The following HHAT variants were observed in gnomAD, a reference collection of about 807,000 sequenced individuals.
HHAT encodes the protein protein-cysteine N-palmitoyltransferase HHAT.
Under a neutral mutation model 70.8 loss-of-function variants are expected in HHAT, and 47 were observed. That is an observed-to-expected ratio of 0.66 (90% CI 0.53 to 0.85). The LOEUF (loss-of-function observed/expected upper bound fraction) is 0.85, where lower values mean the gene tolerates loss of function less well. Among genes scored for constraint, HHAT ranks in the 40% least tolerant of loss-of-function variants. HHAT has a pLI of 0.00. For missense variants in HHAT, 609 were observed against 604.8 expected (o/e 1.01, Z -0.07); for synonymous variants, 228 against 247.6 (o/e 0.92, Z 0.74).
At chr1:210,640,162 G>A (rs763828210) in intron 11 of HHAT, among the ~76,000 whole-genome samples, 11 of 152,298 alleles carry the variant, frequency 7.2e-5, no homozygotes, top group Non-Finnish European at 1.2e-4. Flanking sequence ...CTGAGTTAGT[G>A]GGTAGATTAT....
Position 210,675,929 on chromosome 1 carries a change from CAG to C in HHAT, c.*1551_*1552del, listed in dbSNP as rs1207961469. 2 of 152,116 alleles carry C rather than the reference CAG, an allele frequency of 1.3e-5. No individual in the cohort carries two copies. Among genetic ancestry groups the C allele is most frequent in the Non-Finnish European group, 2.9e-5 (2 of 68,042 alleles). The allele number at this position is 152,116 out of a possible 1,614,324, so 9.4% of individuals were successfully genotyped here. A position where few individuals can be genotyped will look rare whatever the true frequency, so the allele number is the denominator to read the frequency against. On this transcript the variant is annotated 3_prime_UTR_variant, in exon 12 of 12. Transcript: ENST00000261458. ...AGAAGTTTTAGGAGGGGATGAGCCTCAGGGAGGAGTGAGCACCTAAATGAACG... is the reference window on the plus strand; with the variant it reads ...AGAAGTTTTAGGAGGGGATGAGCCTCGGAGGAGTGAGCACCTAAATGAACG...
intron 11 of HHAT, among the ~76,000 whole-genome samples, chr1:210,628,193 G>A (rs960813423): frequency 4.1e-4 from 62 of 152,094 alleles, no homozygotes; most frequent in African/African-American, 1.5e-3. Context: ...TCAAGGGGGG[G>A]TGTTTATACA....
At position 210,361,314 on chromosome 1, in the gene HHAT, A is replaced by G. The variant is rs567215804; in HGVS notation, c.92-1538A>G. 1.1e-4 allele frequency among the ~76,000 whole-genome samples: 16 copies of G among 152,288 alleles called. No homozygotes were observed. In the South Asian group the frequency reaches 3.1e-3, roughly 30 times the overall value. On this transcript the variant is annotated intron_variant, in intron 2 of 11. Coordinates refer to ENST00000261458, the MANE Select transcript of HHAT (RefSeq NM_018194.6). Reference sequence around the variant, plus strand: ...AGTCTGTGTGTCTGTGTGCAGTGCAACACGCAAATAGGTGCGTGCACGCAC... The same window carrying G: ...AGTCTGTGTGTCTGTGTGCAGTGCAGCACGCAAATAGGTGCGTGCACGCAC...
intron 8 of HHAT, among the ~76,000 whole-genome samples, chr1:210,468,168 T>A (rs1050742400): frequency 2.0e-5 from 3 of 152,230 alleles, no homozygotes; most frequent in Non-Finnish European, 4.4e-5. Flanking sequence ...CTTATGGACC[T>A]GAGAAATTGA....
At chr1:210,412,175 G>A (rs1333548391) in intron 6 of HHAT, among the ~76,000 whole-genome samples, 2 of 152,198 alleles carry the variant, frequency 1.3e-5, no homozygotes, top group African/African-American at 2.4e-5. Context: ...CTTCCTAAAG[G>A]CACCATCTCC....
intron 3 of HHAT, among the ~76,000 whole-genome samples, chr1:210,369,320 A>G (rs958445781): frequency 6.6e-6 from 1 of 152,172 alleles, no homozygotes; most frequent in Non-Finnish European, 1.5e-5. Flanking sequence ...TTCAGAAGTA[A>G]AATCAGAGAG....
At chr1:210,365,329 T>TTTTTTG (rs2088829891) in intron 3 of HHAT, among the ~76,000 whole-genome samples, 1 of 142,882 alleles carries the variant, frequency 7.0e-6, no homozygotes, top group Non-Finnish European at 1.5e-5. Context: ...TTTTTTTTTT[T>TTTTTTG]TTTTTGAGAC....
Position 210,418,189 on chromosome 1 carries a change from C to T in HHAT, c.720C>T (p.Ser240=). ...AGGAGCATGACTCCCTGAAGGCCAGCCTGTGTGTCCTGGCCCTGGGGCTGG... is the reference window on the plus strand; with the variant it reads ...AGGAGCATGACTCCCTGAAGGCCAGTCTGTGTGTCCTGGCCCTGGGGCTGG... ...QQQEHDSLKA[S]LCVLALGLGR... Residue 240 remains serine, a synonymous_variant, in exon 7 of 12, where the codon AGC becomes AGT. Transcript: ENST00000261458. The T allele has an allele frequency of 6.2e-7, 1 of 1,614,136 alleles. No individual in the cohort carries two copies. Among genetic ancestry groups the T allele is most frequent in the Non-Finnish European group, 8.5e-7 (1 of 1,180,004 alleles).
chr1:210,512,508 T>TA (rs1558062080), intron 8 of HHAT, among the ~76,000 whole-genome samples: 1 of 151,712 alleles, frequency 6.6e-6, no homozygotes, highest in Admixed American at 6.6e-5. Context: ...ATGTCTCTAC[T>TA]AAAAAAATTA....
intron 3 of HHAT, among the ~76,000 whole-genome samples, chr1:210,364,229 A>C (rs527254890): frequency 6.6e-6 from 1 of 152,226 alleles, no homozygotes. Flanking sequence ...TCTTATTTAA[A>C]TAAGCCCTTT....
chr1:210,461,522 G>C (rs559207443), intron 7 of HHAT, among the ~76,000 whole-genome samples: 2 of 151,926 alleles, frequency 1.3e-5, no homozygotes, highest in Non-Finnish European at 1.5e-5. Context: ...GGATGGTCTC[G>C]ATCTCCTGGC....
chr1:210,578,329 G>GA (rs933289111), intron 9 of HHAT, among the ~76,000 whole-genome samples: 5 of 151,610 alleles, frequency 3.3e-5, no homozygotes, highest in Admixed American at 6.6e-5. Context: ...TTATTTTCTA[G>GA]AAAAAAAAGA....
At chr1:210,571,502 C>T (rs1656259256) in intron 9 of HHAT, among the ~76,000 whole-genome samples, 1 of 152,194 alleles carries the variant, frequency 6.6e-6, no homozygotes, top group African/African-American at 2.4e-5. Context: ...TGTATCCCCA[C>T]ACTCAGGACC....
At chr1:210,524,252 T>G (rs909542877) in intron 9 of HHAT, among the ~76,000 whole-genome samples, 3 of 152,252 alleles carry the variant, frequency 2.0e-5, no homozygotes, top group Admixed American at 1.3e-4. Context: ...GTTTCTACAA[T>G]AAAATTTTTT....
chr1:210,562,059 C>T (rs1485259508), intron 9 of HHAT, among the ~76,000 whole-genome samples: 1 of 152,156 alleles, frequency 6.6e-6, no homozygotes, highest in Admixed American at 6.5e-5. Context: ...GTATCAACCA[C>T]TACAGAGCAC....
intron 10 of HHAT, among the ~76,000 whole-genome samples, chr1:210,622,688 C>T (rs1160927742): frequency 1.3e-5 from 2 of 152,192 alleles, no homozygotes; most frequent in Non-Finnish European, 2.9e-5. Context: ...TGGGCCTGAG[C>T]TCTGACTCCA....
At chr1:210,469,027 G>T (rs1358018303) in intron 8 of HHAT, among the ~76,000 whole-genome samples, 1 of 152,144 alleles carries the variant, frequency 6.6e-6, no homozygotes, top group Non-Finnish European at 1.5e-5. Flanking sequence ...CTGGCGTATA[G>T]TAGGTCCTCA....
At chr1:210,521,825 G>C (rs1370379950) in intron 9 of HHAT, among the ~76,000 whole-genome samples, 1 of 152,152 alleles carries the variant, frequency 6.6e-6, no homozygotes, top group Non-Finnish European at 1.5e-5. Flanking sequence ...GAGCTGCACT[G>C]GAAACAGAAG....
chr1:210,535,024 A>G (rs2095355963), intron 9 of HHAT, among the ~76,000 whole-genome samples: 1 of 152,140 alleles, frequency 6.6e-6, no homozygotes, highest in African/African-American at 2.4e-5. Flanking sequence ...TTGGCTTTGC[A>G]TCCACATTTT....
Sources: allele counts gnomAD v4.1 joint callset (sites outside exome capture counted in the v4.1 genomes callset), GRCh38; gene constraint gnomAD v4.1.1; transcripts MANE v1.5; gene names NCBI Gene and HGNC (gene_info 2026-07-23, HGNC 2026-07-21).